METTL22: variants seen among roughly 807,000 people sequenced by gnomAD.
The protein encoded by METTL22 is methyltransferase-like protein 22.
A neutral mutation model predicts 48.4 loss-of-function variants in METTL22; 51 were observed. The observed-to-expected ratio is 1.05, with a 90% confidence interval of 0.84 to 1.33. METTL22 has a LOEUF of 1.33. METTL22 is among the 40% of genes most tolerant of loss of function. METTL22 has a pLI of 0.00. For missense variants in METTL22, 678 were observed against 526.9 expected (o/e 1.29, Z -2.81); for synonymous variants, 255 against 214.1 (o/e 1.19, Z -1.67).
intron 7 of METTL22, chr16:8,641,581 C>A (rs527635101): frequency 2.1e-6 from 1 of 467,650 alleles, no homozygotes; most frequent in Non-Finnish European, 4.2e-6. Context: ...AGGACAGTTT[C>A]CATATTTCTT....
At chr16:8,630,801 C>A (rs573677687) in intron 3 of METTL22, among the ~76,000 whole-genome samples, 20 of 152,326 alleles carry the variant, frequency 1.3e-4, no homozygotes, top group African/African-American at 4.8e-4. Flanking sequence ...AGCTGTCAGT[C>A]ACTCACTACC....
At chr16:8,659,337 G>A in the METTL22 span, among the ~76,000 whole-genome samples, 3 of 148,952 alleles carry the variant, frequency 2.0e-5, no homozygotes, top group African/African-American at 7.4e-5. Flanking sequence ...AAAAAAAAAC[G>A]AACAAAAAAA....
In METTL22 at chr16:8,646,630, GCCCC is replaced by G. The variant is rs2056807219; in HGVS notation, c.*488_*491del. The G allele has an allele frequency of 4.4e-6, 2 of 459,194 alleles. No individual in the cohort carries two copies. The highest frequency in any genetic ancestry group is 4.0e-5 in the African/African-American group (2 of 50,192). The allele number at this position is 459,194 out of a possible 1,614,324, so 28.4% of individuals were successfully genotyped here. A position where few individuals can be genotyped will look rare whatever the true frequency, so the allele number is the denominator to read the frequency against. The stretch of plus-strand genomic sequence containing the variant: ...GCTCCACCCCATCACTCTGGTGAGG[GCCCC>G]ATGAGAAGGAAGAGGCAGGAGCTGG... On this transcript the variant is annotated 3_prime_UTR_variant, in exon 11 of 11. Transcript: ENST00000381920.
chr16:8,642,188 C>G lies in METTL22; in HGVS notation c.888C>G (p.Thr296=), dbSNP rs1047193452. 6.2e-7 allele frequency: 1 copy of G among 1,613,562 alleles called. No homozygotes were observed. The highest frequency in any genetic ancestry group is 8.5e-7 in the Non-Finnish European group (1 of 1,179,504). ...TTTCTGACTTGTACGATCACACCACCATCCTGTTTGCAGCCGAAGGTAAGA... is the reference window on the plus strand; with the variant it reads ...TTTCTGACTTGTACGATCACACCACGATCCTGTTTGCAGCCGAAGGTAAGA... ...EEISDLYDHT[T]ILFAAEVFYD... The change falls in exon 8 of 11, where the codon ACC becomes ACG. Residue 296 remains threonine (T), a synonymous_variant. Transcript: ENST00000381920.
the METTL22 span, among the ~76,000 whole-genome samples, chr16:8,656,695 C>A: frequency 1.3e-5 from 2 of 152,252 alleles, no homozygotes; most frequent in African/African-American, 2.4e-5. Context: ...CCTGCGGCTC[C>A]AATGCCCTCC....
intron 6 of METTL22, chr16:8,639,458 A>G (rs1045277110): frequency 2.4e-4 from 108 of 453,438 alleles, no homozygotes; most frequent in Non-Finnish European, 3.8e-4. Context: ...CCCGTCCAAG[A>G]TGTCCTCATG....
chr16:8,637,793 C>CAGG (rs2056468158), intron 5 of METTL22, among the ~76,000 whole-genome samples: 2 of 152,318 alleles, frequency 1.3e-5, no homozygotes, highest in South Asian at 4.1e-4. Context: ...CCTCTCTTAC[C>CAGG]TGTTTTATAG....
rs1406391890 is a variant in METTL22 at position 8,640,893 on chromosome 16, A to AATGGATGG, written c.773-193_773-186dup. On this transcript the variant is annotated intron_variant, in intron 6 of 10. Transcript: ENST00000381920. The stretch of plus-strand genomic sequence containing the variant: ...AGATGGGCAGGTGGGTGGGTGGGTG[A>AATGGATGG]ATGGATGGATGGATGGATGGATGGA... Among the ~76,000 whole-genome samples, 36 of 12,930 alleles carry AATGGATGG rather than the reference A, an allele frequency of 2.8e-3. 5 individuals carry two copies. Among genetic ancestry groups the AATGGATGG allele is most frequent in the African/African-American group, 8.3e-3 (31 of 3,754 alleles). 8.5% of individuals were successfully genotyped at this position (12,930 alleles called of 152,430 possible). A position where few individuals can be genotyped will look rare whatever the true frequency, so the allele number is the denominator to read the frequency against.
At chr16:8,655,804 T>C in the METTL22 span, among the ~76,000 whole-genome samples, 2 of 152,268 alleles carry the variant, frequency 1.3e-5, no homozygotes, top group Non-Finnish European at 2.9e-5. Context: ...GGTGCTCTTC[T>C]AAACAAAGCC....
downstream of METTL22, among the ~76,000 whole-genome samples, chr16:8,654,471 T>C (rs191237962): frequency 2.8e-4 from 43 of 152,332 alleles, no homozygotes; most frequent in African/African-American, 8.7e-4. Context: ...ATGTATTTTG[T>C]TTTTACAAAC....
chr16:8,621,805 G>C (rs1044487332), intron 1 of METTL22, 30 bp downstream of exon 1: 4 of 152,344 alleles, frequency 2.6e-5, no homozygotes, highest in Non-Finnish European at 5.9e-5. Context: ...GGCGGGATAG[G>C]GTAGGGTGCA....
chr16:8,646,955 C>A lies in METTL22; in HGVS notation c.*812C>A, dbSNP rs146306497. The A allele has an allele frequency of 0.012, 4,247 of 343,438 alleles. 39 individuals carry two copies. Among genetic ancestry groups the A allele is most frequent in the Non-Finnish European group, 0.017 (2,885 of 174,494 alleles). 21.3% of individuals were successfully genotyped at this position (343,438 alleles called of 1,614,324 possible). The stretch of plus-strand genomic sequence containing the variant: ...CCTTCCTGTCATCCTCTATGTCCCA[C>A]TGTCTCTCTCCTTCTCTCCAGTTTT... On this transcript the variant is annotated 3_prime_UTR_variant, in exon 11 of 11. Transcript: ENST00000381920.
downstream of METTL22, among the ~76,000 whole-genome samples, chr16:8,653,882 C>T (rs1366446092): frequency 6.6e-6 from 1 of 152,008 alleles, no homozygotes; most frequent in East Asian, 1.9e-4. Flanking sequence ...TAGTGAGAAC[C>T]CAGGAAGAAG....
chr16:8,664,447 C>G, the METTL22 span, among the ~76,000 whole-genome samples: 1 of 151,678 alleles, frequency 6.6e-6, no homozygotes, highest in Non-Finnish European at 1.5e-5. Context: ...GCCCAGCCTA[C>G]ATTTTATTTA....
In METTL22 at chr16:8,630,926, G is replaced by A. The variant is rs549245830; in HGVS notation, c.514+1816G>A. Among the ~76,000 whole-genome samples the A allele has an allele frequency of 1.7e-3, 257 of 152,234 alleles. 2 individuals carry two copies. The highest frequency in any genetic ancestry group is 6.0e-3 in the African/African-American group (249 of 41,544). On this transcript the variant is annotated intron_variant, in intron 3 of 10. Coordinates refer to ENST00000381920, the MANE Select transcript of METTL22 (RefSeq NM_024109.4). ...CTGCAAAACTTGATCTAATCCTGCA[G>A]GGCTGGATTTTGAGCCCAGCTCCAT...
chr16:8,629,920 T>C (rs1362341), intron 3 of METTL22, among the ~76,000 whole-genome samples: 150,349 of 152,262 alleles, frequency 0.99, 74,264 homozygotes, highest in Middle Eastern at 1. Flanking sequence ...AGGGGGTGCA[T>C]GGATGAGGAA....
chr16:8,653,471 G>C (rs1483639642), downstream of METTL22, among the ~76,000 whole-genome samples: 1 of 152,134 alleles, frequency 6.6e-6, no homozygotes, highest in Non-Finnish European at 1.5e-5. Context: ...TGTGTTGACA[G>C]GAAAATATTG....
At chr16:8,667,262 T>A in the METTL22 span, 2 of 152,126 alleles carry the variant, frequency 1.3e-5, no homozygotes, top group African/African-American at 2.4e-5. Context: ...TTGTTTTATT[T>A]ATTTATTTTA....
intron 3 of METTL22, among the ~76,000 whole-genome samples, chr16:8,632,932 A>G (rs887211303): frequency 1.3e-5 from 2 of 152,194 alleles, no homozygotes; most frequent in Non-Finnish European, 2.9e-5. Flanking sequence ...GACCAATCAC[A>G]TAGGACCAAG....
Sources: gnomAD v4.1 joint callset for allele counts (sites outside exome capture counted in the v4.1 genomes callset) on GRCh38, gnomAD v4.1.1 for gene constraint, MANE v1.5 for transcripts, NCBI Gene and HGNC (gene_info 2026-07-23, HGNC 2026-07-21) for gene names.